The following PTPRD variants were observed in gnomAD, a reference collection of about 807,000 sequenced individuals.
PTPRD encodes protein tyrosine phosphatase receptor type D, also known as receptor-type tyrosine-protein phosphatase delta.
PTPRD carries 34 observed loss-of-function variants against 214.5 expected under a neutral mutation model. That is an observed-to-expected ratio of 0.16 (90% CI 0.12 to 0.21). PTPRD has a LOEUF of 0.21. Ranked by LOEUF, PTPRD falls within the 10% of genes least tolerant of loss-of-function variation. The probability of loss-of-function intolerance (pLI) is 1.00; values close to 1 mark genes in which losing one functional copy is unlikely to be tolerated. For synonymous variants in PTPRD, 1,128 were observed against 845.7 expected, an observed-to-expected ratio of 1.33 and a Z score of -5.79; for missense variants, 2,545 against 2,398.7, an observed-to-expected ratio of 1.06 and a Z score of -1.27.
intron 43 of PTPRD, among the ~76,000 whole-genome samples, chr9:8,336,836 C>G (rs886782797): frequency 2.0e-5 from 3 of 152,006 alleles, no homozygotes; most frequent in Non-Finnish European, 4.4e-5. Flanking sequence ...ATGCGGCAGA[C>G]AAACATATGA....
intron 2 of PTPRD, among the ~76,000 whole-genome samples, chr9:10,594,200 T>G (rs895262055): frequency 6.6e-6 from 1 of 151,948 alleles, no homozygotes; most frequent in African/African-American, 2.4e-5. Context: ...AGAGGACACT[T>G]TACTTCTAGT....
intron 43 of PTPRD, among the ~76,000 whole-genome samples, chr9:8,337,825 C>T (rs1848480848): frequency 6.6e-6 from 1 of 151,766 alleles, no homozygotes; most frequent in Non-Finnish European, 1.5e-5. Flanking sequence ...TCAAAATGCA[C>T]TTTCTATTTT....
chr9:10,144,002 C>A (rs1052590858), intron 3 of PTPRD, among the ~76,000 whole-genome samples: 4 of 151,958 alleles, frequency 2.6e-5, no homozygotes, highest in Non-Finnish European at 4.4e-5. Flanking sequence ...GCCTCAGCAT[C>A]ATTTAATAAA....
intron 2 of PTPRD, among the ~76,000 whole-genome samples, chr9:10,590,155 C>A (rs1307838386): frequency 6.6e-6 from 1 of 151,932 alleles, no homozygotes; most frequent in Admixed American, 6.6e-5. Flanking sequence ...TAGCAAGATT[C>A]AAATTTTATT....
chr9:9,077,846 A>T (rs891866638), intron 10 of PTPRD, among the ~76,000 whole-genome samples: 9 of 152,232 alleles, frequency 5.9e-5, no homozygotes, highest in African/African-American at 2.2e-4. Flanking sequence ...TTTGTATTCA[A>T]ATAGTCCCTC....
intron 3 of PTPRD, among the ~76,000 whole-genome samples, chr9:10,118,552 G>A (rs1361568075): frequency 6.6e-6 from 1 of 151,588 alleles, no homozygotes; most frequent in Non-Finnish European, 1.5e-5. Context: ...AGTGATACAT[G>A]TAAATTTTTA....
At chr9:9,618,841 A>G (rs936625948) in intron 7 of PTPRD, among the ~76,000 whole-genome samples, 3 of 152,170 alleles carry the variant, frequency 2.0e-5, no homozygotes, top group Non-Finnish European at 2.9e-5. Flanking sequence ...GATAATGTAT[A>G]GAAAGAAAGG....
chr9:8,419,433 T>C (rs1397070061), intron 35 of PTPRD, among the ~76,000 whole-genome samples: 2 of 151,978 alleles, frequency 1.3e-5, no homozygotes, highest in Non-Finnish European at 2.9e-5. Flanking sequence ...GGGTATGCTT[T>C]GAAAACCAAA....
chr9:8,718,090 C>G (rs909058380), intron 12 of PTPRD, among the ~76,000 whole-genome samples: 2 of 152,150 alleles, frequency 1.3e-5, no homozygotes, highest in African/African-American at 4.8e-5. Flanking sequence ...AAAGGCAAAG[C>G]TGTGAAGTAA....
intron 7 of PTPRD, among the ~76,000 whole-genome samples, chr9:9,629,903 G>C (rs2095537614): frequency 6.6e-6 from 1 of 152,204 alleles, no homozygotes; most frequent in African/African-American, 2.4e-5. Context: ...TAGCAAGAGA[G>C]TAGGGGAAAT....
At chr9:9,374,109 C>T (rs2139966392) in intron 9 of PTPRD, among the ~76,000 whole-genome samples, 1 of 151,822 alleles carries the variant, frequency 6.6e-6, no homozygotes, top group East Asian at 1.9e-4. Flanking sequence ...TAAAAATGTG[C>T]ATCTAAATAT....
chr9:8,949,892 A>T (rs1452784119), intron 11 of PTPRD, among the ~76,000 whole-genome samples: 2 of 152,096 alleles, frequency 1.3e-5, no homozygotes, highest in African/African-American at 4.8e-5. Context: ...GACAAATAGA[A>T]ATTTTATCTG....
chr9:9,647,744 T>G (rs190391383), intron 7 of PTPRD, among the ~76,000 whole-genome samples: 73 of 152,330 alleles, frequency 4.8e-4, no homozygotes, highest in African/African-American at 1.8e-3. Flanking sequence ...CTTTTTGTCT[T>G]GGCTTTATGT....
At chr9:10,278,735 C>A (rs2094884046) in intron 3 of PTPRD, among the ~76,000 whole-genome samples, 2 of 151,940 alleles carry the variant, frequency 1.3e-5, no homozygotes, top group South Asian at 4.2e-4. Context: ...TATAAACTTA[C>A]ATCTTATCTT....
chr9:9,352,325 A>G lies in PTPRD; in HGVS notation c.-203+45124T>C, dbSNP rs201977516. On this transcript the variant is annotated intron_variant, in intron 9 of 45. Transcript: ENST00000381196. ...GCCAAAAAACCATATATATATATAT[A>G]TATGTGTGTGTGTGTGTGTGTGTGT... Among the ~76,000 whole-genome samples the G allele has an allele frequency of 6.4e-4, 92 of 142,678 alleles. No homozygotes were observed. The East Asian group carries it at 8.4e-3, about 13-fold the overall frequency. 93.6% of individuals were successfully genotyped at this position (142,678 alleles called of 152,430 possible).
intron 5 of PTPRD, among the ~76,000 whole-genome samples, chr9:9,838,745 T>A (rs2057520621): frequency 6.6e-6 from 1 of 152,218 alleles, no homozygotes; most frequent in Admixed American, 6.5e-5. Flanking sequence ...TAGTTTCTTT[T>A]GCTGTGCAGA....
At chr9:8,724,922 A>G (rs933029346) in intron 12 of PTPRD, among the ~76,000 whole-genome samples, 8 of 152,182 alleles carry the variant, frequency 5.3e-5, no homozygotes, top group Admixed American at 5.2e-4. Context: ...TGGATAACAG[A>G]GTGAGACCCT....
At position 9,311,604 on chromosome 9, in the gene PTPRD, C is replaced by G. The variant is rs561510240; in HGVS notation, c.-203+85845G>C. On this transcript the variant is annotated intron_variant, in intron 9 of 45. Transcript: ENST00000381196. ...TGCTTAAGGAGAATTTAGAAGGATG[C>G]TTTCTTGCATGTGATTTTCTAAACC... 3.3e-5 allele frequency among the ~76,000 whole-genome samples: 5 copies of G among 152,198 alleles called. No homozygotes were observed. The East Asian group carries it at 7.7e-4, about 24-fold the overall frequency.
Position 9,751,182 on chromosome 9 carries a change from A to C in PTPRD, c.-326+15628T>G, listed in dbSNP as rs552215904. On this transcript the variant is annotated intron_variant, in intron 6 of 45. Transcript: ENST00000381196. ...CTCCACTAAGTATTGAACTTAAAAA[A>C]AATATTTTTACAAGAGTATCCCATT... Among the ~76,000 whole-genome samples, 471 of 150,374 alleles carry C rather than the reference A, an allele frequency of 3.1e-3. 2 individuals carry two copies. The highest frequency in any genetic ancestry group is 0.011 in the African/African-American group (447 of 41,484).
Sources: gnomAD v4.1 joint callset for allele counts (sites outside exome capture counted in the v4.1 genomes callset) on GRCh38, gnomAD v4.1.1 for gene constraint, MANE v1.5 for transcripts, NCBI Gene and HGNC (gene_info 2026-07-23, HGNC 2026-07-21) for gene names.